Variants in INPP5A observed in about 807,000 individuals in gnomAD.
INPP5A encodes the protein 43 kDa inositol polyphosphate 5-phophatase.
INPP5A carries 14 observed loss-of-function variants against 65.2 expected under a neutral mutation model. The observed-to-expected ratio is 0.21, with a 90% CI of 0.14 to 0.34. The LOEUF (loss-of-function observed/expected upper bound fraction) is 0.34, where lower values mean the gene tolerates loss of function less well. Among genes scored for constraint, INPP5A ranks in the 10% least tolerant of loss-of-function variants. The probability of loss-of-function intolerance (pLI) is 1.00; values close to 1 mark genes in which losing one functional copy is unlikely to be tolerated. For missense variants in INPP5A, 431 were observed against 545.6 expected (o/e 0.79, Z 2.09); for synonymous variants, 207 against 208.3 (o/e 0.99, Z 0.05).
At chr10:132,560,576 C>T (rs1003554897) in intron 1 of INPP5A, among the ~76,000 whole-genome samples, 2 of 151,920 alleles carry the variant, frequency 1.3e-5, no homozygotes, top group Admixed American at 6.6e-5. Flanking sequence ...TTTGAAGCAA[C>T]GCTTATTCAA....
At chr10:132,631,364 C>A (rs535839609) in intron 2 of INPP5A, among the ~76,000 whole-genome samples, 22 of 152,286 alleles carry the variant, frequency 1.4e-4, no homozygotes, top group African/African-American at 5.3e-4. Flanking sequence ...AGCCCAGCCC[C>A]GAAGGGACCT....
intron 8 of INPP5A, among the ~76,000 whole-genome samples, chr10:132,714,767 C>G (rs1436394319): frequency 6.6e-6 from 1 of 152,266 alleles, no homozygotes; most frequent in Non-Finnish European, 1.5e-5. Flanking sequence ...TCTTCAGAAG[C>G]AGCCCCAGGG....
At chr10:132,760,361 G>A (rs1026667356) in intron 11 of INPP5A, among the ~76,000 whole-genome samples, 10 of 152,246 alleles carry the variant, frequency 6.6e-5, no homozygotes, top group South Asian at 2.1e-4. Context: ...GCACGCCTGC[G>A]AGGGGCGATG....
chr10:132,567,069 G>A (rs1020744074), intron 1 of INPP5A, among the ~76,000 whole-genome samples: 7 of 152,182 alleles, frequency 4.6e-5, no homozygotes, highest in Non-Finnish European at 1.0e-4. Context: ...GGACGGTGGT[G>A]TCATTTGCCC....
rs1033838131 is a variant in INPP5A, at chr10:132,551,550, A to G, written c.75+13379A>G. On this transcript the variant is annotated intron_variant, in intron 1 of 15. Coordinates refer to ENST00000368594, the MANE Select transcript of INPP5A (RefSeq NM_005539.5). The surrounding 1 kb of genome is among the most constrained non-coding windows in gnomAD (Gnocchi z 5.3). ...TCTTGAGAAAGACATCTGTCCAAGT[A>G]GCACACAGACTTGTGGGGACATATG... Among the ~76,000 whole-genome samples, 5 of 152,240 alleles carry G rather than the reference A, an allele frequency of 3.3e-5. No individual in the cohort carries two copies. The highest frequency in any genetic ancestry group is 9.6e-5 in the African/African-American group (4 of 41,464).
chr10:132,592,274 T>G (rs1229260286), intron 1 of INPP5A, among the ~76,000 whole-genome samples: 2 of 152,240 alleles, frequency 1.3e-5, no homozygotes, highest in Non-Finnish European at 2.9e-5. Context: ...TGCATAGTAG[T>G]GTGAGGAACA....
chr10:132,757,177 C>T (rs950607027), intron 11 of INPP5A, among the ~76,000 whole-genome samples: 4 of 152,180 alleles, frequency 2.6e-5, no homozygotes, highest in Admixed American at 6.5e-5. Flanking sequence ...AGCGTCTCAG[C>T]GTTCCGTATT....
At position 132,741,227 on chromosome 10, in the gene INPP5A, C is replaced by A. The variant is rs1387003077; in HGVS notation, c.733-8290C>A. Among the ~76,000 whole-genome samples the A allele has an allele frequency of 2.0e-5, 3 of 152,102 alleles. No homozygotes were observed. Among genetic ancestry groups the A allele is most frequent in the Non-Finnish European group, 4.4e-5 (3 of 68,022 alleles). ...CTCCATCCTGGCCAACAGAGGAGGA[C>A]CCTGTCTCAAAAACCTAAAAATAGA... On this transcript the variant is annotated intron_variant, in intron 9 of 15. Transcript: ENST00000368594. The surrounding 1 kb of genome is among the most constrained non-coding windows in gnomAD (Gnocchi z 4.4).
At chr10:132,631,212 GC>G (rs2072268789) in intron 2 of INPP5A, among the ~76,000 whole-genome samples, 2 of 152,184 alleles carry the variant, frequency 1.3e-5, no homozygotes, top group Non-Finnish European at 2.9e-5. Context: ...ACAGGCCCCT[GC>G]CCACACAGCT....
intron 1 of INPP5A, among the ~76,000 whole-genome samples, chr10:132,595,063 A>G (rs985675457): frequency 1.3e-5 from 2 of 152,180 alleles, no homozygotes; most frequent in African/African-American, 4.8e-5. Flanking sequence ...ACCCACTCCA[A>G]CCTTTGGGCG....
intron 11 of INPP5A, among the ~76,000 whole-genome samples, chr10:132,761,097 G>C (rs913189): frequency 6.6e-6 from 1 of 152,208 alleles, no homozygotes; most frequent in Non-Finnish European, 1.5e-5. Flanking sequence ...GCCAGGCTTC[G>C]TGCCACGTCT....
intron 4 of INPP5A, among the ~76,000 whole-genome samples, chr10:132,673,738 C>A (rs566749621): frequency 2.8e-4 from 43 of 152,306 alleles, no homozygotes; most frequent in African/African-American, 9.4e-4. Flanking sequence ...GCAGGATAGG[C>A]AAACCCATAT....
At chr10:132,636,265 G>A (rs751563772) in intron 2 of INPP5A, among the ~76,000 whole-genome samples, 1 of 151,996 alleles carries the variant, frequency 6.6e-6, no homozygotes, top group African/African-American at 2.4e-5. Context: ...GCAGCAACGT[G>A]GATAGAACTT....
chr10:132,538,178 C>A lies in INPP5A; in HGVS notation c.75+7C>A. ...GGGCTCGCTCTTCGACGACGTAAGT[C>A]CCCCGTGCCGGCGGCAGGCCCCAAG... On this transcript the variant is annotated splice_region_variant and intron_variant, in intron 1 of 15. Coordinates refer to ENST00000368594, the MANE Select transcript of INPP5A (RefSeq NM_005539.5). This position sits in a 1 kb window ranked among gnomAD's most constrained non-coding sequence, Gnocchi z 4.1. 3 of 1,275,326 alleles carry A rather than the reference C, an allele frequency of 2.4e-6. No homozygotes were observed. Among genetic ancestry groups the A allele is most frequent in the Non-Finnish European group, 2.0e-6 (2 of 1,006,946 alleles). 79.0% of individuals were successfully genotyped at this position (1,275,326 alleles called of 1,614,324 possible).
At chr10:132,652,439 G>A (rs1419124711) in intron 4 of INPP5A, among the ~76,000 whole-genome samples, 2 of 152,228 alleles carry the variant, frequency 1.3e-5, no homozygotes, top group African/African-American at 4.8e-5. Context: ...ATCAGTCCAT[G>A]AAACTTACAG....
chr10:132,655,874 C>T (rs1361580249), intron 4 of INPP5A, among the ~76,000 whole-genome samples: 1 of 152,234 alleles, frequency 6.6e-6, no homozygotes, highest in Non-Finnish European at 1.5e-5. Context: ...AGAGAGGCTG[C>T]GTGGGGCTGC....
At chr10:132,774,899 G>C (rs1393318768) in intron 12 of INPP5A, among the ~76,000 whole-genome samples, 7 of 104,716 alleles carry the variant, frequency 6.7e-5, no homozygotes, top group African/African-American at 1.1e-4. Context: ...AGGAGGGGCA[G>C]GGAGGAGAGA....
chr10:132,738,137 CT>C (rs1392641184), intron 9 of INPP5A, among the ~76,000 whole-genome samples: 4 of 152,176 alleles, frequency 2.6e-5, no homozygotes, highest in African/African-American at 9.7e-5. Flanking sequence ...CTTTAATGCA[CT>C]TTTCTATATT....
intron 8 of INPP5A, among the ~76,000 whole-genome samples, chr10:132,719,177 G>T (rs1321047046): frequency 6.7e-5 from 10 of 149,008 alleles, no homozygotes; most frequent in African/African-American, 2.2e-4. Flanking sequence ...CTGTCTTGCG[G>T]GTTCTGTGGT....
Sources: allele counts gnomAD v4.1 joint callset (sites outside exome capture counted in the v4.1 genomes callset), GRCh38; gene constraint gnomAD v4.1.1; non-coding constraint Gnocchi (gnomAD v3.1); transcripts MANE v1.5; gene names NCBI Gene and HGNC (gene_info 2026-07-23, HGNC 2026-07-21).